FBXL17: variants seen among roughly 807,000 people sequenced by gnomAD.
FBXL17 encodes the protein F-box/LRR-repeat protein 17.
Under a neutral mutation model 66.2 loss-of-function variants are expected in FBXL17, and 22 were observed. That is an observed-to-expected ratio of 0.33 (90% CI 0.24 to 0.47). The LOEUF is 0.47. FBXL17 is among the 20% of genes least tolerant of loss of function. FBXL17 has a pLI of 1.00. For missense variants in FBXL17, 878 were observed against 948.2 expected, an observed-to-expected ratio of 0.93 and a Z score of 0.97; for synonymous variants, 474 against 400.5, an observed-to-expected ratio of 1.18 and a Z score of -2.19.
At chr5:108,047,377 G>T (rs908657361) in intron 6 of FBXL17, among the ~76,000 whole-genome samples, 1 of 152,230 alleles carries the variant, frequency 6.6e-6, no homozygotes, top group Admixed American at 6.5e-5. Flanking sequence ...GAGTGACGCA[G>T]ATTCTCAACA....
At chr5:107,992,260 T>C (rs1303147500) in intron 7 of FBXL17, among the ~76,000 whole-genome samples, 2 of 152,286 alleles carry the variant, frequency 1.3e-5, no homozygotes, top group East Asian at 3.9e-4. Context: ...CAAATTAGGA[T>C]GGAACTAACT....
intron 6 of FBXL17, among the ~76,000 whole-genome samples, chr5:108,054,596 C>T (rs564949978): frequency 2.1e-4 from 32 of 152,264 alleles, no homozygotes; most frequent in African/African-American, 7.5e-4. Context: ...TCCTAGTCAG[C>T]CTTTGCTGAA....
Position 108,381,016 on chromosome 5 carries a change from C to CGCCGCCGCCGCCGCCGCA in FBXL17, c.658_675dup (p.Cys220_Gly225dup). 1 of 1,181,268 alleles carries CGCCGCCGCCGCCGCCGCA rather than the reference C, an allele frequency of 8.5e-7. No individual in the cohort carries two copies. Among genetic ancestry groups the CGCCGCCGCCGCCGCCGCA allele is most frequent in the Non-Finnish European group, 1.0e-6 (1 of 955,538 alleles). 73.2% of individuals were successfully genotyped at this position (1,181,268 alleles called of 1,614,324 possible). On this transcript the variant is annotated inframe_insertion, in exon 1 of 9. Coordinates refer to ENST00000542267, the MANE Select transcript of FBXL17 (RefSeq NM_001163315.3). ...CCCGCAGGCCCTCCCCCGCCACCGC[C>CGCCGCCGCCGCCGCCGCA]GCCGCCGCCGCCGCCGCAGCCCCCG... is the stretch of plus-strand genomic sequence containing the variant.
intron 5 of FBXL17, among the ~76,000 whole-genome samples, chr5:108,197,760 T>C (rs1305948777): frequency 6.6e-6 from 1 of 152,180 alleles, no homozygotes; most frequent in East Asian, 1.9e-4. Flanking sequence ...TTTTATTTTC[T>C]GGCATTCCAA....
chr5:108,185,963 G>C (rs1753212702), intron 6 of FBXL17, among the ~76,000 whole-genome samples, 154 bp downstream of exon 6: 1 of 152,172 alleles, frequency 6.6e-6, no homozygotes, highest in Admixed American at 6.5e-5. Flanking sequence ...TGCATTAAAA[G>C]TATAGATCTA....
At chr5:107,939,183 T>C (rs1201110814) in intron 7 of FBXL17, among the ~76,000 whole-genome samples, 1 of 152,152 alleles carries the variant, frequency 6.6e-6, no homozygotes, top group Non-Finnish European at 1.5e-5. Context: ...TATTATGCTA[T>C]TGGACATAGT....
At chr5:108,021,854 A>G (rs2112765924) in intron 6 of FBXL17, among the ~76,000 whole-genome samples, 1 of 152,016 alleles carries the variant, frequency 6.6e-6, no homozygotes, top group South Asian at 2.1e-4. Context: ...TTTATAAATA[A>G]CAGTTAAGTA....
At chr5:108,108,310 A>G (rs966813428) in intron 6 of FBXL17, among the ~76,000 whole-genome samples, 1 of 152,190 alleles carries the variant, frequency 6.6e-6, no homozygotes, top group African/African-American at 2.4e-5. Context: ...GTGTAGTTTT[A>G]TTTTATTCAC....
At position 108,334,545 on chromosome 5, in the gene FBXL17, T is replaced by C. The variant is rs190141775; in HGVS notation, c.1506+13854A>G. 1.4e-4 allele frequency among the ~76,000 whole-genome samples: 22 copies of C among 152,294 alleles called. No individual in the cohort carries two copies. The East Asian group carries it at 3.5e-3, about 24-fold the overall frequency. On this transcript the variant is annotated intron_variant, in intron 4 of 8. Transcript: ENST00000542267. ...CCCACAATTTTCAATTCAGTTTCTT[T>C]TGTTCTGGTAGGTAGAGGGTTAGGG...
At chr5:108,259,865 T>TAAG in intron 4 of FBXL17, among the ~76,000 whole-genome samples, 1 of 152,244 alleles carries the variant, frequency 6.6e-6, no homozygotes, top group African/African-American at 2.4e-5. Context: ...ACTAACGGTT[T>TAAG]TTAAAACCTA....
At chr5:108,145,606 G>A (rs1399403374) in intron 6 of FBXL17, among the ~76,000 whole-genome samples, 2 of 152,088 alleles carry the variant, frequency 1.3e-5, no homozygotes, top group Admixed American at 6.5e-5. Context: ...TCAGGGATAT[G>A]AAACAGGTTA....
chr5:108,256,135 T>G (rs1371367178), intron 4 of FBXL17, among the ~76,000 whole-genome samples: 1 of 152,160 alleles, frequency 6.6e-6, no homozygotes, highest in Non-Finnish European at 1.5e-5. Context: ...TTTCGGTTAT[T>G]TGCATATATC....
chr5:108,298,266 C>T, intron 4 of FBXL17: 1 of 984,706 alleles, frequency 1.0e-6, no homozygotes, highest in Non-Finnish European at 1.2e-6. Flanking sequence ...CTTCTTACTA[C>T]TATGTGAACA....
intron 6 of FBXL17, among the ~76,000 whole-genome samples, chr5:108,160,034 C>G (rs1194100724): frequency 3.3e-5 from 5 of 151,950 alleles, no homozygotes; most frequent in Non-Finnish European, 5.9e-5. Context: ...TTAGAAAAAC[C>G]TTAATCTCAA....
chr5:107,908,245 G>C (rs1749828414), intron 7 of FBXL17, among the ~76,000 whole-genome samples: 1 of 152,170 alleles, frequency 6.6e-6, no homozygotes, highest in Non-Finnish European at 1.5e-5. Context: ...AGTAGGCTAA[G>C]AACTAATTCT....
intron 4 of FBXL17, among the ~76,000 whole-genome samples, chr5:108,239,150 A>G (rs1043387165): frequency 6.6e-6 from 1 of 152,146 alleles, no homozygotes; most frequent in African/African-American, 2.4e-5. Context: ...GCAGAGCAAG[A>G]TGGCTGAGTA....
At chr5:108,019,398 C>T (rs534393875) in intron 7 of FBXL17, among the ~76,000 whole-genome samples, 1 of 152,130 alleles carries the variant, frequency 6.6e-6, no homozygotes, top group South Asian at 2.1e-4. Context: ...CATGAAGTAT[C>T]TCTATGCCTT....
At chr5:108,362,612 G>A (rs1748414232) in intron 3 of FBXL17, among the ~76,000 whole-genome samples, 1 of 152,094 alleles carries the variant, frequency 6.6e-6, no homozygotes, top group African/African-American at 2.4e-5. Context: ...TCACAAAGAG[G>A]ATAGTATTCA....
chr5:108,281,699 T>A (rs1431826760), intron 4 of FBXL17, among the ~76,000 whole-genome samples: 4 of 151,660 alleles, frequency 2.6e-5, no homozygotes, highest in Admixed American at 2.6e-4. Context: ...CAGAACTAAA[T>A]GTAACAGAGA....
Sources: allele counts gnomAD v4.1 joint callset (sites outside exome capture counted in the v4.1 genomes callset), GRCh38; gene constraint gnomAD v4.1.1; transcripts MANE v1.5; gene names NCBI Gene and HGNC (gene_info 2026-07-23, HGNC 2026-07-21).